Variants in DIPK1A observed in about 807,000 individuals in gnomAD.
DIPK1A encodes the protein family with sequence similarity 69 member A.
DIPK1A carries 27 observed loss-of-function variants against 40.8 expected under a neutral mutation model. That is an observed-to-expected ratio of 0.66 (90% CI 0.49 to 0.91). The LOEUF is 0.91. DIPK1A is among the 40% of genes least tolerant of loss of function. DIPK1A has a pLI of 0.00. For synonymous variants in DIPK1A, 166 were observed against 171.3 expected (o/e 0.97, Z 0.24); for missense variants, 412 against 505.7 (o/e 0.81, Z 1.78).
intron 1 of DIPK1A, among the ~76,000 whole-genome samples, chr1:92,944,565 T>G (rs1055084165): frequency 6.6e-6 from 1 of 152,198 alleles, no homozygotes; most frequent in African/African-American, 2.4e-5. Context: ...AGAAGATTAT[T>G]TTTGGCCCAG....
At chr1:92,868,781 C>T (rs778215159) in intron 2 of DIPK1A, among the ~76,000 whole-genome samples, 13 of 152,006 alleles carry the variant, frequency 8.6e-5, no homozygotes, top group African/African-American at 2.2e-4. Context: ...GCCTGGCCAA[C>T]GTGGTGAAAC....
chr1:92,959,903 C>CTTTTTTTTTTTT lies in DIPK1A; in HGVS notation c.54+1461_54+1472dup, dbSNP rs1157142089. The stretch of plus-strand genomic sequence containing the variant: ...GCTGGGACCACAGGCACCCAACCAA[C>CTTTTTTTTTTTT]TTTTTTTTTTTTTTTTTTTTTTTTG... On this transcript the variant is annotated intron_variant, in intron 1 of 4. Coordinates refer to ENST00000370310, the MANE Select transcript of DIPK1A (RefSeq NM_001006605.5). Among the ~76,000 whole-genome samples, 413 of 47,850 alleles carry CTTTTTTTTTTTT rather than the reference C, an allele frequency of 8.6e-3. 47 individuals are homozygous for CTTTTTTTTTTTT. The highest frequency in any genetic ancestry group is 0.031 in the African/African-American group (284 of 9,056). 31.4% of individuals were successfully genotyped at this position (47,850 alleles called of 152,430 possible).
At chr1:92,844,940 C>CTTTTTTTTTTTTTTTTTTT in intron 4 of DIPK1A, among the ~76,000 whole-genome samples, 1 of 94,080 alleles carries the variant, frequency 1.1e-5, no homozygotes, top group Non-Finnish European at 2.0e-5. Context: ...ATTAGTATTT[C>CTTTTTTTTTTTTTTTTTTT]TTTTTTTTTT....
At chr1:92,877,068 G>T (rs1300200335) in intron 1 of DIPK1A, 2 of 984,818 alleles carry the variant, frequency 2.0e-6, no homozygotes, top group Admixed American at 6.2e-5. Flanking sequence ...ACTGGAGAAG[G>T]GTTAAGATAT....
chr1:92,925,321 T>C (rs1335060873), intron 1 of DIPK1A, among the ~76,000 whole-genome samples: 3 of 152,234 alleles, frequency 2.0e-5, no homozygotes, highest in East Asian at 1.9e-4. Context: ...GAGAAGTTAT[T>C]TCTTCTTCAT....
intron 1 of DIPK1A, among the ~76,000 whole-genome samples, chr1:92,935,249 CTTAAACTCTT>C (rs536765027): frequency 1.0e-3 from 156 of 152,336 alleles, no homozygotes; most frequent in African/African-American, 3.7e-3. Flanking sequence ...TTGCTCACAT[CTTAAACTCTT>C]TTAATCTAAG....
chr1:92,946,656 G>C (rs1051528968), intron 1 of DIPK1A, among the ~76,000 whole-genome samples: 4 of 152,196 alleles, frequency 2.6e-5, no homozygotes, highest in Non-Finnish European at 4.4e-5. Flanking sequence ...TCAAGAAACA[G>C]AGGTAGGCTG....
At chr1:92,942,872 T>C (rs1290830465) in intron 1 of DIPK1A, among the ~76,000 whole-genome samples, 1 of 152,044 alleles carries the variant, frequency 6.6e-6, no homozygotes, top group Non-Finnish European at 1.5e-5. Flanking sequence ...ACCATGTTGG[T>C]CAGGCTGGTC....
chr1:92,838,702 T>TCTG (rs1687219161), downstream of DIPK1A, among the ~76,000 whole-genome samples: 1 of 152,244 alleles, frequency 6.6e-6, no homozygotes, highest in Non-Finnish European at 1.5e-5. Flanking sequence ...TATCTACATG[T>TCTG]CTGCTTGTCT....
intron 4 of DIPK1A, chr1:92,833,851 G>A (rs779522818): frequency 9.1e-5 from 54 of 591,962 alleles, no homozygotes; most frequent in Non-Finnish European, 1.6e-4. Flanking sequence ...TCTTGGTTGC[G>A]CTCATGCCTG....
intron 1 of DIPK1A, among the ~76,000 whole-genome samples, chr1:92,923,026 C>G (rs527612098): frequency 1.3e-5 from 2 of 152,206 alleles, no homozygotes; most frequent in East Asian, 3.9e-4. Context: ...TTAACACTGT[C>G]TTCAGTTTAT....
chr1:92,856,389 T>C (rs1037225226), intron 2 of DIPK1A, among the ~76,000 whole-genome samples: 1 of 149,974 alleles, frequency 6.7e-6, no homozygotes, highest in African/African-American at 2.4e-5. Flanking sequence ...AATAACTCTA[T>C]AAAAGATTAG....
At chr1:92,848,423 T>C (rs1487491403) in intron 3 of DIPK1A, among the ~76,000 whole-genome samples, 2 of 152,224 alleles carry the variant, frequency 1.3e-5, no homozygotes, top group Non-Finnish European at 2.9e-5. Context: ...CTGGTCTTTC[T>C]GTGACAGGTT....
intron 2 of DIPK1A, among the ~76,000 whole-genome samples, chr1:92,861,353 G>T (rs1164611870): frequency 3.4e-5 from 4 of 119,094 alleles, no homozygotes; most frequent in East Asian, 2.2e-4. Flanking sequence ...TTGAGACAGG[G>T]TCTCACTCTG....
At chr1:92,855,956 T>C (rs900177686) in intron 2 of DIPK1A, among the ~76,000 whole-genome samples, 2 of 152,078 alleles carry the variant, frequency 1.3e-5, no homozygotes, top group Non-Finnish European at 2.9e-5. Flanking sequence ...TGCACACCTG[T>C]GTCCTAGCTA....
Position 92,842,839 on chromosome 1 carries a change from G to C in DIPK1A, c.*544C>G. The C allele has an allele frequency of 1.0e-6, 1 of 985,458 alleles. No individual in the cohort carries two copies. 61.0% of individuals were successfully genotyped at this position (985,458 alleles called of 1,614,324 possible). A position where few individuals can be genotyped will look rare whatever the true frequency, so the allele number is the denominator to read the frequency against. ...TGAAGCTACACATAACTTGATGTCT[G>C]AATGAGGTTAAAAATGGGTGTATAA... On this transcript the variant is annotated 3_prime_UTR_variant, in exon 5 of 5. Coordinates refer to ENST00000370310, the MANE Select transcript of DIPK1A (RefSeq NM_001006605.5).
intron 4 of DIPK1A, chr1:92,834,636 G>T: frequency 1.9e-6 from 2 of 1,080,502 alleles, no homozygotes; most frequent in East Asian, 5.0e-5. Flanking sequence ...CTAATTTACT[G>T]GTAACCCAGC....
intron 1 of DIPK1A, among the ~76,000 whole-genome samples, chr1:92,905,771 C>T (rs1649596121): frequency 6.6e-6 from 1 of 152,084 alleles, no homozygotes; most frequent in Non-Finnish European, 1.5e-5. Context: ...AGATTTAAGT[C>T]TTTAATCCAT....
chr1:92,876,025 A>T (rs1030472530), intron 2 of DIPK1A, among the ~76,000 whole-genome samples: 7 of 148,744 alleles, frequency 4.7e-5, no homozygotes, highest in Non-Finnish European at 8.9e-5. Flanking sequence ...ATATATTAAA[A>T]ATATATATAT....
Sources: gnomAD v4.1 joint callset for allele counts (sites outside exome capture counted in the v4.1 genomes callset) on GRCh38, gnomAD v4.1.1 for gene constraint, MANE v1.5 for transcripts, NCBI Gene and HGNC (gene_info 2026-07-23, HGNC 2026-07-21) for gene names.